Variants in GCH1 observed in about 807,000 individuals in gnomAD.
GCH1 encodes the protein GTP cyclohydrolase I.
Under a neutral mutation model 25.9 loss-of-function variants are expected in GCH1, and 5 were observed. The observed-to-expected ratio is 0.19, with a 90% CI of 0.10 to 0.41. GCH1 has a LOEUF of 0.41. Among genes scored for constraint, GCH1 ranks in the 10% least tolerant of loss-of-function variants. The pLI is 1.00. For synonymous variants in GCH1, 159 were observed against 129.6 expected (o/e 1.23, Z -1.54); for missense variants, 261 against 336.5 (o/e 0.78, Z 1.75).
chr14:54,886,984 G>A (rs571542018), intron 1 of GCH1, among the ~76,000 whole-genome samples: 1 of 152,390 alleles, frequency 6.6e-6, no homozygotes, highest in South Asian at 2.1e-4. Flanking sequence ...AGCAGAAAGA[G>A]TGGCCTAATG....
At chr14:54,887,928 G>T (rs1048263940) in intron 1 of GCH1, among the ~76,000 whole-genome samples, 1 of 151,888 alleles carries the variant, frequency 6.6e-6, no homozygotes, top group Admixed American at 6.6e-5. Context: ...TAGTTTTTTC[G>T]GTATTACTAT....
At chr14:54,862,488 T>C (rs2039915612) in intron 2 of GCH1, among the ~76,000 whole-genome samples, 1 of 150,690 alleles carries the variant, frequency 6.6e-6, no homozygotes, top group African/African-American at 2.4e-5. Flanking sequence ...GTTCAAGCGA[T>C]TCTCCAACCT....
intron 2 of GCH1, among the ~76,000 whole-genome samples, chr14:54,860,598 T>G (rs1416728959): frequency 6.7e-6 from 1 of 148,982 alleles, no homozygotes; most frequent in Non-Finnish European, 1.5e-5. Context: ...TGGAGTACAG[T>G]GGCCCAGTCT....
intron 1 of GCH1, among the ~76,000 whole-genome samples, chr14:54,900,845 T>TCACACACACACACACACACA (rs3221690): frequency 6.2e-5 from 9 of 144,742 alleles, no homozygotes; most frequent in Admixed American, 5.6e-4. Flanking sequence ...GTGAAATATC[T>TCACACACACACACACACACA]CACACACACA....
At chr14:54,877,586 T>G (rs569065297) in intron 1 of GCH1, among the ~76,000 whole-genome samples, 2 of 152,160 alleles carry the variant, frequency 1.3e-5, no homozygotes, top group East Asian at 3.9e-4. Context: ...CTCCACCTCC[T>G]AGGCTCAGGT....
At chr14:54,874,897 G>A (rs932016897) in intron 1 of GCH1, among the ~76,000 whole-genome samples, 10 of 151,878 alleles carry the variant, frequency 6.6e-5, no homozygotes, top group Admixed American at 2.0e-4. Context: ...AATCAATATC[G>A]CGAAAATGGC....
intron 1 of GCH1, among the ~76,000 whole-genome samples, chr14:54,895,145 TA>T (rs2040468208): frequency 6.6e-6 from 1 of 152,256 alleles, no homozygotes; most frequent in Non-Finnish European, 1.5e-5. Context: ...TGCATTTTTG[TA>T]TAAACAAAGT....
intron 1 of GCH1, among the ~76,000 whole-genome samples, chr14:54,871,274 G>A (rs895118953): frequency 5.3e-5 from 8 of 152,174 alleles, no homozygotes; most frequent in African/African-American, 9.7e-5. Context: ...CCAACAGACC[G>A]GCAGCTGAGG....
intron 1 of GCH1, chr14:54,884,793 C>CAA (rs1180242739): frequency 8.2e-5 from 12 of 145,932 alleles, no homozygotes; most frequent in African/African-American, 2.4e-4. Flanking sequence ...ACAACAACAA[C>CAA]AACAACAAAA....
chr14:54,899,624 A>G (rs972756424), intron 1 of GCH1, among the ~76,000 whole-genome samples: 2 of 151,886 alleles, frequency 1.3e-5, no homozygotes, highest in African/African-American at 4.8e-5. Context: ...ACGCCACAAA[A>G]CCTGTCTTTA....
intron 2 of GCH1, among the ~76,000 whole-genome samples, chr14:54,862,659 T>A (rs1311080648): frequency 2.1e-5 from 3 of 141,444 alleles, no homozygotes; most frequent in Non-Finnish European, 4.5e-5. Flanking sequence ...GTTGCCTAGG[T>A]TGGTCTCAAA....
chr14:54,886,817 G>A (rs2040359893), intron 1 of GCH1, among the ~76,000 whole-genome samples: 1 of 152,170 alleles, frequency 6.6e-6, no homozygotes, highest in African/African-American at 2.4e-5. Flanking sequence ...GGACTGAAGG[G>A]GAGAGGTCCC....
At chr14:54,899,177 T>A (rs958856803) in intron 1 of GCH1, among the ~76,000 whole-genome samples, 1 of 152,102 alleles carries the variant, frequency 6.6e-6, no homozygotes, top group African/African-American at 2.4e-5. Flanking sequence ...TAATCTTAAA[T>A]GGGCTGGGTA....
intron 3 of GCH1, among the ~76,000 whole-genome samples, chr14:54,854,536 T>C (rs984934746): frequency 2.0e-5 from 3 of 152,064 alleles, no homozygotes; most frequent in African/African-American, 7.2e-5. Flanking sequence ...AAAAAGAAGT[T>C]TGTGAACTAC....
chr14:54,892,175 G>C (rs144957267), intron 1 of GCH1, among the ~76,000 whole-genome samples: 1 of 152,278 alleles, frequency 6.6e-6, no homozygotes, highest in African/African-American at 2.4e-5. Flanking sequence ...TAAGTGCTTA[G>C]TTAAGATGGA....
rs1454061710 is a variant in GCH1 at position 54,896,860 on chromosome 14, AG to A, written c.343+5460del. ...GTGTGAACCGGGAGACCGAGCTTGC[AG>A]TGAGCCCAGATCGCGCCACTGCACT... On this transcript the variant is annotated intron_variant, in intron 1 of 5. Transcript: ENST00000491895. 8.9e-3 allele frequency among the ~76,000 whole-genome samples: 1,339 copies of A among 150,050 alleles called. 27 individuals are homozygous for A. The highest frequency in any genetic ancestry group is 0.031 in the African/African-American group (1,258 of 40,820).
intron 1 of GCH1, among the ~76,000 whole-genome samples, chr14:54,879,117 C>G (rs183237131): frequency 1.3e-5 from 2 of 151,998 alleles, no homozygotes; most frequent in Non-Finnish European, 2.9e-5. Context: ...ATTCATGCAG[C>G]CAAGGGAACA....
chr14:54,900,209 G>GTT (rs200691582), intron 1 of GCH1, among the ~76,000 whole-genome samples: 1 of 149,154 alleles, frequency 6.7e-6, no homozygotes, highest in African/African-American at 2.5e-5. Context: ...CAGTTTTTTT[G>GTT]TTTTTTTTGT....
rs1343336928 is a variant in GCH1, at chr14:54,884,784, C to CA, written c.343+17536dup. On this transcript the variant is annotated intron_variant, in intron 1 of 5. Coordinates refer to ENST00000491895, the MANE Select transcript of GCH1 (RefSeq NM_000161.3). The stretch of plus-strand genomic sequence containing the variant: ...AAACTCTGTCTCAAAACAACAACAA[C>CA]AACAACAACAACAACAAAAAAAAAG... The CA allele has an allele frequency of 5.3e-4, 71 of 133,494 alleles. 1 individual carries two copies. The highest frequency in any genetic ancestry group is 2.5e-3 in the African/African-American group (70 of 27,996). The allele number at this position is 133,494 out of a possible 1,614,324, so 8.3% of individuals were successfully genotyped here. A position where few individuals can be genotyped will look rare whatever the true frequency, so the allele number is the denominator to read the frequency against.
Sources: allele counts gnomAD v4.1 joint callset (sites outside exome capture counted in the v4.1 genomes callset), GRCh38; gene constraint gnomAD v4.1.1; transcripts MANE v1.5; gene names NCBI Gene and HGNC (gene_info 2026-07-23, HGNC 2026-07-21).